Variants in IL17RC observed in about 807,000 individuals in gnomAD.
The protein encoded by IL17RC is interleukin-17 receptor C.
A neutral mutation model predicts 86.7 loss-of-function variants in IL17RC; 53 were observed. The observed-to-expected ratio is 0.61, with a 90% CI of 0.49 to 0.77. The LOEUF (loss-of-function observed/expected upper bound fraction) is 0.77, where lower values mean the gene tolerates loss of function less well. IL17RC is among the 30% of genes least tolerant of loss of function. IL17RC has a pLI of 0.00. For synonymous variants in IL17RC, 439 were observed against 413.1 expected, an observed-to-expected ratio of 1.06 and a Z score of -0.76; for missense variants, 957 against 940.0, an observed-to-expected ratio of 1.02 and a Z score of -0.24.
intron 12 of IL17RC, chr3:9,929,575 C>T (rs750869054): frequency 5.7e-5 from 27 of 475,844 alleles, no homozygotes; most frequent in Non-Finnish European, 8.3e-5. Flanking sequence ...AGAAAGGAAT[C>T]TCTTTGAGAA....
In IL17RC at chr3:9,924,244, A is replaced by ATCAT. The variant is rs2083856196; in HGVS notation, c.777_780dup (p.Thr261HisfsTer22). ...ATTTGTTCCACAGACTGGACCGCAGATCATTACCTTGAACCACACAGACCT... is the reference window on the plus strand; with the variant it reads ...ATTTGTTCCACAGACTGGACCGCAGATCATTCATTACCTTGAACCACACAGACCT... On this transcript the variant is annotated frameshift_variant, in exon 9 of 19. Transcript: ENST00000403601. LOFTEE classifies it high-confidence loss of function. The ATCAT allele has an allele frequency of 6.2e-7, 1 of 1,614,100 alleles. No individual in the cohort carries two copies. Among genetic ancestry groups the ATCAT allele is most frequent in the East Asian group, 2.2e-5 (1 of 44,886 alleles).
In IL17RC at chr3:9,918,199, G is replaced by A. The variant is rs571336175; in HGVS notation, c.280+124G>A. ...AGTGTTCTCCTGGAGGACACCAGCAGAAGGACCCCCAGGCCAGTGTGGTCT... is the reference window on the plus strand; with the variant it reads ...AGTGTTCTCCTGGAGGACACCAGCAAAAGGACCCCCAGGCCAGTGTGGTCT... On this transcript the variant is annotated intron_variant, in intron 3 of 18. Coordinates refer to ENST00000403601, the MANE Select transcript of IL17RC (RefSeq NM_153460.4). 3.5e-4 allele frequency: 456 copies of A among 1,321,268 alleles called. 5 individuals are homozygous for A. The South Asian group carries it at 6.1e-3, about 18-fold the overall frequency. 81.8% of individuals were successfully genotyped at this position (1,321,268 alleles called of 1,614,324 possible).
At chr3:9,929,953 G>A (rs554267995) in intron 13 of IL17RC, 56 bp downstream of exon 13, 3 of 1,613,798 alleles carry the variant, frequency 1.9e-6, no homozygotes, top group Non-Finnish European at 2.5e-6. Context: ...GTGAAGGTCA[G>A]GGCATGGGAG....
chr3:9,924,405 T>A, intron 9 of IL17RC, 114 bp downstream of exon 9: 1 of 1,095,998 alleles, frequency 9.1e-7, no homozygotes, highest in Non-Finnish European at 1.3e-6. Context: ...GTGGAGACTG[T>A]GGCTCCCTGG....
In IL17RC at chr3:9,921,802, T is replaced by A. The variant is rs547730987; in HGVS notation, c.622+833T>A. 6.1e-4 allele frequency among the ~76,000 whole-genome samples: 92 copies of A among 151,122 alleles called. 1 individual carries two copies. The highest frequency in any genetic ancestry group is 1.1e-3 in the Non-Finnish European group (72 of 67,764). ...ACCACGCCTGGCTAATTTTTTTTTT[T>A]TTTTAGTAGAGACAGGGTTTCACCG... On this transcript the variant is annotated intron_variant, in intron 7 of 18. Coordinates refer to ENST00000403601, the MANE Select transcript of IL17RC (RefSeq NM_153460.4).
intron 16 of IL17RC, among the ~76,000 whole-genome samples, chr3:9,932,065 C>T (rs1315441159): frequency 6.6e-6 from 1 of 151,968 alleles, no homozygotes; most frequent in East Asian, 1.9e-4. Flanking sequence ...ATATTTAGTC[C>T]TCACACCAAC....
chr3:9,920,734 C>G (rs187278050), intron 6 of IL17RC, 132 bp downstream of exon 6: 3 of 772,922 alleles, frequency 3.9e-6, no homozygotes, highest in Non-Finnish European at 6.6e-6. Flanking sequence ...CAGAGTCAGT[C>G]CCTCGGACCT....
intron 7 of IL17RC, among the ~76,000 whole-genome samples, chr3:9,923,440 C>T (rs112943449): frequency 6.6e-6 from 1 of 151,568 alleles, no homozygotes; most frequent in Non-Finnish European, 1.5e-5. Flanking sequence ...GTAATCCCAG[C>T]TACTCGGGTG....
Position 9,928,569 on chromosome 3 carries a change from T to G in IL17RC, c.1060-11T>G, listed in dbSNP as rs2084334204. On this transcript the variant is annotated splice_polypyrimidine_tract_variant and intron_variant, in intron 11 of 18. Coordinates refer to ENST00000403601, the MANE Select transcript of IL17RC (RefSeq NM_153460.4). ...CCTTTTGTGATCCCACCCATTCCTCTCTTTCCACAGAAGGTTCTCGAGTTC... is the reference window on the plus strand; with the variant it reads ...CCTTTTGTGATCCCACCCATTCCTCGCTTTCCACAGAAGGTTCTCGAGTTC... 2.5e-6 allele frequency: 4 copies of G among 1,613,820 alleles called. No individual in the cohort carries two copies. The highest frequency in any genetic ancestry group is 1.7e-6 in the Non-Finnish European group (2 of 1,180,004).
intron 16 of IL17RC, 38 bp from the exon 17 acceptor site, chr3:9,932,570 A>G (rs952270752): frequency 6.4e-7 from 1 of 1,563,248 alleles, no homozygotes. Flanking sequence ...TTCTCTGTGG[A>G]GGGTAAGTTT....
intron 16 of IL17RC, among the ~76,000 whole-genome samples, chr3:9,932,110 A>T (rs1018777357): frequency 6.6e-6 from 1 of 152,136 alleles, no homozygotes; most frequent in Non-Finnish European, 1.5e-5. Context: ...AGAGGAGAAA[A>T]CTGAGGCAGA....
At chr3:9,923,325 G>A (rs1000063799) in intron 7 of IL17RC, among the ~76,000 whole-genome samples, 1 of 151,820 alleles carries the variant, frequency 6.6e-6, no homozygotes, top group Non-Finnish European at 1.5e-5. Flanking sequence ...GCTGAGGCAG[G>A]AGGATTGCTT....
rs1407860961 is a variant in IL17RC at position 9,930,290 on chromosome 3, C to G, written c.1279-110C>G. ...ACCAGGGCCATATTCAGCGGCATCACCAAAGTCTCCCAGTCCCCTCTACCT... is the reference window on the plus strand; with the variant it reads ...ACCAGGGCCATATTCAGCGGCATCAGCAAAGTCTCCCAGTCCCCTCTACCT... On this transcript the variant is annotated intron_variant, in intron 14 of 18. Transcript: ENST00000403601. This position sits in a 1 kb window ranked among gnomAD's most constrained non-coding sequence, Gnocchi z 5.8. The G allele has an allele frequency of 7.9e-6, 12 of 1,523,642 alleles. No individual in the cohort carries two copies. The East Asian group carries it at 2.7e-4, about 35-fold the overall frequency. The allele number at this position is 1,523,642 out of a possible 1,614,324, so 94.4% of individuals were successfully genotyped here. A position where few individuals can be genotyped will look rare whatever the true frequency, so the allele number is the denominator to read the frequency against.
At position 9,932,657 on chromosome 3, in the gene IL17RC, C is replaced by T. The variant is rs2084855320; in HGVS notation, c.1437C>T (p.Ala479=). The T allele has an allele frequency of 3.1e-6, 5 of 1,614,202 alleles. No individual in the cohort carries two copies. Among genetic ancestry groups the T allele is most frequent in the South Asian group, 1.1e-5 (1 of 91,082 alleles). ...ALVWLACLLF[A]AALSLILLLK... is the part of the protein sequence containing the mutation. ...TGTGGCTGGCCTGCCTACTCTTTGC[C>T]GCTGCGCTTTCCCTCATCCTCCTTC... is the stretch of plus-strand genomic sequence containing the variant. Residue 479 remains alanine, a synonymous_variant, in exon 17 of 19, where the codon GCC becomes GCT. Transcript: ENST00000403601.
chr3:9,918,247 C>A, intron 3 of IL17RC, 88 bp from the exon 4 acceptor site: 1 of 1,374,584 alleles, frequency 7.3e-7, no homozygotes, highest in Non-Finnish European at 1.0e-6. Context: ...CTTCCCAGCA[C>A]TGGGCTTTCC....
chr3:9,921,952 CTT>C lies in IL17RC; in HGVS notation c.622+1002_622+1003del, dbSNP rs35608782. ...AGGGTACTGATTTCCATGTCCAGTTCTTTTTTTTTTTTTTTTTTTTGGCGGAA... is the reference window on the plus strand; with the variant it reads ...AGGGTACTGATTTCCATGTCCAGTTCTTTTTTTTTTTTTTTTTTGGCGGAA... On this transcript the variant is annotated intron_variant, in intron 7 of 18. Coordinates refer to ENST00000403601, the MANE Select transcript of IL17RC (RefSeq NM_153460.4). Among the ~76,000 whole-genome samples, 11 of 88,202 alleles carry C rather than the reference CTT, an allele frequency of 1.2e-4. No individual in the cohort carries two copies. The East Asian group carries it at 1.9e-3, about 16-fold the overall frequency. 57.9% of individuals were successfully genotyped at this position (88,202 alleles called of 152,430 possible).
intron 4 of IL17RC, 43 bp downstream of exon 4, chr3:9,918,452 T>C (rs2083286003): frequency 6.2e-7 from 1 of 1,609,898 alleles, no homozygotes; most frequent in Non-Finnish European, 8.5e-7. Flanking sequence ...TGCCAAGGCC[T>C]GGCCTGCCGC....
At chr3:9,927,781 A>T (rs757205033) in intron 9 of IL17RC, among the ~76,000 whole-genome samples, 1 of 151,992 alleles carries the variant, frequency 6.6e-6, no homozygotes, top group Non-Finnish European at 1.5e-5. Context: ...TCTCTACTAA[A>T]AATACAAAAA....
At chr3:9,927,361 A>G (rs535594809) in intron 9 of IL17RC, among the ~76,000 whole-genome samples, 1 of 38 alleles carries the variant, frequency 0.026, no homozygotes, top group South Asian at 0.5. Context: ...GTTTGAGACC[A>G]GCCTGGCCTA....
Sources: gnomAD v4.1 joint callset for allele counts (sites outside exome capture counted in the v4.1 genomes callset) on GRCh38, gnomAD v4.1.1 for gene constraint, Gnocchi (gnomAD v3.1) non-coding constraint, MANE v1.5 for transcripts, NCBI Gene and HGNC (gene_info 2026-07-23, HGNC 2026-07-21) for gene names.